The following BCKDHB variants were observed in gnomAD, a reference collection of about 807,000 sequenced individuals.
BCKDHB encodes the protein 2-oxoisovalerate dehydrogenase subunit beta, mitochondrial.
A neutral mutation model predicts 48.5 loss-of-function variants in BCKDHB; 41 were observed. The ratio of observed to expected loss-of-function variants is 0.85; its 90% CI spans 0.66 to 1.10. BCKDHB has a LOEUF of 1.10. Ranked by LOEUF, BCKDHB falls within the 50% of genes least tolerant of loss-of-function variation. The pLI is 0.00. For missense variants in BCKDHB, 496 were observed against 494.2 expected (o/e 1.00, Z -0.03); for synonymous variants, 201 against 174.8 (o/e 1.15, Z -1.18).
the BCKDHB span, among the ~76,000 whole-genome samples, chr6:80,386,111 G>C: frequency 6.6e-6 from 1 of 152,196 alleles, no homozygotes; most frequent in Non-Finnish European, 1.5e-5. Flanking sequence ...ACTTTAGACA[G>C]ACTCATCCCA....
At chr6:80,226,068 A>G (rs2127873546) in intron 8 of BCKDHB, among the ~76,000 whole-genome samples, 1 of 152,306 alleles carries the variant, frequency 6.6e-6, no homozygotes, top group African/African-American at 2.4e-5. Flanking sequence ...CTTACTGTAA[A>G]TTTAAGGCTG....
In BCKDHB at chr6:80,343,793, A is replaced by G. The variant is rs753690047; in HGVS notation, c.1168A>G (p.Ile390Val). ...WKCYDALRKM[I>V]NY Reference sequence around the variant, plus strand: ...GTGTTATGATGCCCTTCGAAAAATGATCAACTATTGACCATATAGGTAGGT... The same window carrying G: ...GTGTTATGATGCCCTTCGAAAAATGGTCAACTATTGACCATATAGGTAGGT... The change falls in exon 10 of 10, where the codon ATC becomes GTC. Residue 390 changes from isoleucine to valine, a missense_variant. Ile to Val is a conservative substitution (Grantham distance 29). Coordinates refer to ENST00000320393, the MANE Select transcript of BCKDHB (RefSeq NM_183050.4). The G allele has an allele frequency of 2.9e-5, 47 of 1,613,942 alleles. No homozygotes were observed. In the South Asian group the frequency reaches 4.9e-4, roughly 17 times the overall value.
chr6:80,257,433 C>CAT (rs58367109), intron 8 of BCKDHB, among the ~76,000 whole-genome samples: 5,841 of 146,758 alleles, frequency 0.04, 161 homozygotes, highest in African/African-American at 0.086. Flanking sequence ...CTTAAAGATA[C>CAT]ATATATATAT....
the BCKDHB span, among the ~76,000 whole-genome samples, chr6:80,371,124 CT>C: frequency 6.6e-6 from 1 of 152,056 alleles, no homozygotes; most frequent in African/African-American, 2.4e-5. Context: ...AAAGTGTTCC[CT>C]TTTTACCACA....
chr6:80,145,393 A>G (rs1032001255), intron 3 of BCKDHB, among the ~76,000 whole-genome samples: 2 of 152,194 alleles, frequency 1.3e-5, no homozygotes, highest in African/African-American at 4.8e-5. Flanking sequence ...TGGTATCAGG[A>G]GTGCTTGAGG....
At chr6:80,246,368 GT>G (rs1776613982) in intron 8 of BCKDHB, among the ~76,000 whole-genome samples, 6 of 152,100 alleles carry the variant, frequency 3.9e-5, no homozygotes, top group Admixed American at 3.9e-4. Context: ...TTGTCTTCAT[GT>G]TATCCTGCAT....
chr6:80,218,019 CT>C (rs1382090181), intron 8 of BCKDHB, among the ~76,000 whole-genome samples: 1 of 152,174 alleles, frequency 6.6e-6, no homozygotes, highest in Admixed American at 6.5e-5. Context: ...CTATATTTCT[CT>C]GAGGCTTGAG....
chr6:80,150,022 A>G (rs1043662801), intron 3 of BCKDHB, among the ~76,000 whole-genome samples: 6 of 151,952 alleles, frequency 3.9e-5, no homozygotes, highest in Admixed American at 3.3e-4. Flanking sequence ...ATAGCTTAGT[A>G]TAAGACTTTT....
chr6:80,327,180 G>C (rs1769073357), intron 9 of BCKDHB, among the ~76,000 whole-genome samples: 1 of 152,166 alleles, frequency 6.6e-6, no homozygotes, highest in Admixed American at 6.5e-5. Context: ...AGTATCGTAG[G>C]TCAAAAATAC....
At chr6:80,253,257 G>A (rs771096306) in intron 8 of BCKDHB, among the ~76,000 whole-genome samples, 23 of 152,118 alleles carry the variant, frequency 1.5e-4, no homozygotes, top group Non-Finnish European at 2.8e-4. Flanking sequence ...TAACACCAGC[G>A]TGCCATGCAG....
At chr6:80,301,282 A>G (rs1269642168) in intron 9 of BCKDHB, among the ~76,000 whole-genome samples, 1 of 152,168 alleles carries the variant, frequency 6.6e-6, no homozygotes, top group Admixed American at 6.5e-5. Context: ...GATTGACAGA[A>G]CACTAGCTAG....
chr6:80,161,445 A>C (rs1004899537), intron 3 of BCKDHB, among the ~76,000 whole-genome samples: 2 of 152,222 alleles, frequency 1.3e-5, no homozygotes, highest in African/African-American at 4.8e-5. Flanking sequence ...GGCAGAAAAA[A>C]AAAATGTGAT....
At chr6:80,184,781 G>A (rs1199273105) in intron 6 of BCKDHB, among the ~76,000 whole-genome samples, 2 of 152,174 alleles carry the variant, frequency 1.3e-5, no homozygotes. Context: ...CTCTTGGCTT[G>A]TAGGGTTTCT....
chr6:80,232,670 A>C (rs1775976917), intron 8 of BCKDHB, among the ~76,000 whole-genome samples: 1 of 23,916 alleles, frequency 4.2e-5, no homozygotes, highest in East Asian at 9.6e-3. Flanking sequence ...AAATTATTTT[A>C]TAAATATAAA....
the BCKDHB span, among the ~76,000 whole-genome samples, chr6:80,398,401 A>T: frequency 6.6e-6 from 1 of 152,220 alleles, no homozygotes; most frequent in Non-Finnish European, 1.5e-5. Flanking sequence ...GAATGTTACC[A>T]CTGACCACAT....
chr6:80,407,495 A>G, the BCKDHB span, among the ~76,000 whole-genome samples: 1 of 152,154 alleles, frequency 6.6e-6, no homozygotes, highest in East Asian at 1.9e-4. Context: ...ATGAGCATGA[A>G]ATGTTCTTCC....
the BCKDHB span, among the ~76,000 whole-genome samples, chr6:80,395,893 C>T: frequency 6.6e-6 from 1 of 152,180 alleles, no homozygotes; most frequent in Non-Finnish European, 1.5e-5. Context: ...AAGGGGCCAG[C>T]ATACAGCTCA....
At chr6:80,185,666 C>T (rs1033157838) in intron 6 of BCKDHB, among the ~76,000 whole-genome samples, 8 of 152,156 alleles carry the variant, frequency 5.3e-5, no homozygotes, top group African/African-American at 1.9e-4. Flanking sequence ...CCTGAGAGAG[C>T]TGGACTGCAG....
intron 8 of BCKDHB, among the ~76,000 whole-genome samples, chr6:80,269,153 A>G (rs1777630897): frequency 6.6e-6 from 1 of 152,104 alleles, no homozygotes; most frequent in Non-Finnish European, 1.5e-5. Context: ...GGTCATTCAT[A>G]AAGACGTTTG....
Sources: gnomAD v4.1 joint callset for allele counts (sites outside exome capture counted in the v4.1 genomes callset) on GRCh38, gnomAD v4.1.1 for gene constraint, MANE v1.5 for transcripts, NCBI Gene and HGNC (gene_info 2026-07-23, HGNC 2026-07-21) for gene names.